Variants in F2 observed in about 807,000 individuals in gnomAD.
F2 encodes coagulation factor II, thrombin.
A neutral mutation model predicts 81.9 loss-of-function variants in F2; 34 were observed. The ratio of observed to expected loss-of-function variants is 0.42; its 90% CI spans 0.32 to 0.55. The LOEUF is 0.55. Ranked by LOEUF, F2 falls within the 20% of genes least tolerant of loss-of-function variation. F2 has a pLI of 0.18. For synonymous variants in F2, 296 were observed against 326.4 expected, an observed-to-expected ratio of 0.91 and a Z score of 1.01; for missense variants, 630 against 833.4, an observed-to-expected ratio of 0.76 and a Z score of 3.00.
chr11:46,720,607 T>C, intron 3 of F2, 60 bp downstream of exon 3: 2 of 1,602,822 alleles, frequency 1.2e-6, no homozygotes, highest in South Asian at 2.2e-5. Flanking sequence ...GTGAGAGAAT[T>C]CTACCCAGAG....
chr11:46,725,726 A>G, intron 6 of F2, 133 bp from the exon 7 acceptor site: 1 of 1,032,230 alleles, frequency 9.7e-7, no homozygotes. Context: ...GCAAACGGTC[A>G]GAAGCCCAGA....
intron 12 of F2, among the ~76,000 whole-genome samples, chr11:46,730,682 T>A (rs894983353): frequency 6.6e-6 from 1 of 151,780 alleles, no homozygotes; most frequent in Non-Finnish European, 1.5e-5. Flanking sequence ...AATAAAAAAA[T>A]TTAGTGTAAT....
rs756465166 is a variant in F2, at chr11:46,728,180, C to T, written c.1298+17C>T. 1.2e-6 allele frequency: 2 copies of T among 1,601,674 alleles called. No individual in the cohort carries two copies. Among genetic ancestry groups the T allele is most frequent in the South Asian group, 1.1e-5 (1 of 88,282 alleles). The stretch of plus-strand genomic sequence containing the variant: ...CCGCACCAGGTACAGAACTGGTGGC[C>T]CGTGGGTGTCTGGCAGGGGTCTGAG... On this transcript the variant is annotated intron_variant, in intron 10 of 13. Coordinates refer to ENST00000311907, the MANE Select transcript of F2 (RefSeq NM_000506.5). This position sits in a 1 kb window ranked among gnomAD's most constrained non-coding sequence, Gnocchi z 5.1.
In F2 at chr11:46,728,524, T is replaced by G. The variant is rs897497442; in HGVS notation, c.1299-140T>G. The G allele has an allele frequency of 8.3e-5, 79 of 948,590 alleles. No homozygotes were observed. Among genetic ancestry groups the G allele is most frequent in the Admixed American group, 1.3e-4 (6 of 47,466 alleles). The allele number at this position is 948,590 out of a possible 1,614,324, so 58.8% of individuals were successfully genotyped here. Reference sequence around the variant, plus strand: ...GCCCAGGAAGAAACACCCAGGGGGCTGCCATGGCAGGAACCAGCCCTATCC... The same window carrying G: ...GCCCAGGAAGAAACACCCAGGGGGCGGCCATGGCAGGAACCAGCCCTATCC... On this transcript the variant is annotated intron_variant, in intron 10 of 13. Transcript: ENST00000311907. The surrounding 1 kb of genome is among the most constrained non-coding windows in gnomAD (Gnocchi z 5.1).
chr11:46,728,275 A>C lies in F2; in HGVS notation c.1298+112A>C. The C allele has an allele frequency of 8.5e-7, 1 of 1,170,918 alleles. No individual in the cohort carries two copies. Among genetic ancestry groups the C allele is most frequent in the Non-Finnish European group, 1.2e-6 (1 of 807,548 alleles). 72.5% of individuals were successfully genotyped at this position (1,170,918 alleles called of 1,614,324 possible). On this transcript the variant is annotated intron_variant, in intron 10 of 13. Coordinates refer to ENST00000311907, the MANE Select transcript of F2 (RefSeq NM_000506.5). This position sits in a 1 kb window ranked among gnomAD's most constrained non-coding sequence, Gnocchi z 5.1. ...TAGGATGTTCTGTATACCCCCCAGA[A>C]TATAACATCCCAGCAGTCTCTGCTG...
rs541873389 is a variant in F2, at chr11:46,725,488, C to T, written c.560-371C>T. 6.6e-5 allele frequency among the ~76,000 whole-genome samples: 10 copies of T among 152,200 alleles called. No individual in the cohort carries two copies. In the South Asian group the frequency reaches 1.2e-3, roughly 19 times the overall value. On this transcript the variant is annotated intron_variant, in intron 6 of 13. Coordinates refer to ENST00000311907, the MANE Select transcript of F2 (RefSeq NM_000506.5). ...AAGTTGCAGGCTTGCAGAAATTGAC[C>T]CATCCAGGTGAACAGCCTAGTGATC...
chr11:46,730,682 T>C (rs894983353), intron 12 of F2, among the ~76,000 whole-genome samples: 1 of 151,780 alleles, frequency 6.6e-6, no homozygotes, highest in Non-Finnish European at 1.5e-5. Context: ...AATAAAAAAA[T>C]TTAGTGTAAT....
intron 6 of F2, among the ~76,000 whole-genome samples, chr11:46,725,193 C>G (rs2064864241): frequency 6.7e-6 from 1 of 150,112 alleles, no homozygotes; most frequent in Admixed American, 6.7e-5. Flanking sequence ...CTCAGCCTCT[C>G]ATATAGCTGG....
chr11:46,736,464 AATTTG>A (rs1477324819), intron 12 of F2, among the ~76,000 whole-genome samples: 1 of 151,778 alleles, frequency 6.6e-6, no homozygotes, highest in East Asian at 1.9e-4. Context: ...GCATCCAGCT[AATTTG>A]ATTTGATTTG....
Position 46,727,000 on chromosome 11 carries a change from T to A in F2, c.1130+163T>A, listed in dbSNP as rs1012300097. ...CAGCAGCCACATGAGATGGGTTGTTTACTTCTTTTTTTTTGTTTCTTAGAT... is the reference window on the plus strand; with the variant it reads ...CAGCAGCCACATGAGATGGGTTGTTAACTTCTTTTTTTTTGTTTCTTAGAT... On this transcript the variant is annotated intron_variant, in intron 9 of 13. Coordinates refer to ENST00000311907, the MANE Select transcript of F2 (RefSeq NM_000506.5). This position sits in a 1 kb window ranked among gnomAD's most constrained non-coding sequence, Gnocchi z 5.9. 6.6e-6 allele frequency among the ~76,000 whole-genome samples: 1 copy of A among 152,152 alleles called. No homozygotes were observed. Among genetic ancestry groups the A allele is most frequent in the African/African-American group, 2.4e-5 (1 of 41,436 alleles).
chr11:46,732,016 A>T (rs1239539683), intron 12 of F2, among the ~76,000 whole-genome samples: 2 of 149,546 alleles, frequency 1.3e-5, no homozygotes, highest in Non-Finnish European at 3.0e-5. Context: ...CCCAGGTTCA[A>T]GTGATTCTCC....
Position 46,719,767 on chromosome 11 carries a change from G to C in F2, c.145G>C (p.Glu49Gln), listed in dbSNP as rs754914460. 1.9e-6 allele frequency: 3 copies of C among 1,598,348 alleles called. No homozygotes were observed. Among genetic ancestry groups the C allele is most frequent in the Non-Finnish European group, 2.6e-6 (3 of 1,173,574 alleles). Residue 49 changes from glutamate to glutamine, a missense_variant, in exon 2 of 14, where the codon GAG becomes CAG. Coordinates refer to ENST00000311907, the MANE Select transcript of F2 (RefSeq NM_000506.5). This position sits in a 1 kb window ranked among gnomAD's most constrained non-coding sequence, Gnocchi z 4.7. ...QRVRRANTFL[E>Q]EVRKGNLERE... is the part of the protein sequence containing the mutation. ...GGTCCGGCGAGCCAACACCTTCTTG[G>C]AGGAGGTGCGCAAGGGCAACCTGGA...
chr11:46,728,938 C>A lies in F2; in HGVS notation c.1472+101C>A, dbSNP rs991639497. ...CAAGAGCCCCTTTCCCTTTTCCAGG[C>A]CTCGGTTTCTTGGAGTGAACCCAAA... On this transcript the variant is annotated intron_variant, in intron 11 of 13. Transcript: ENST00000311907. This position sits in a 1 kb window ranked among gnomAD's most constrained non-coding sequence, Gnocchi z 5.1. 12 of 1,334,600 alleles carry A rather than the reference C, an allele frequency of 9.0e-6. No individual in the cohort carries two copies. The Admixed American group carries it at 1.7e-4, about 19-fold the overall frequency. 82.7% of individuals were successfully genotyped at this position (1,334,600 alleles called of 1,614,324 possible). A position where few individuals can be genotyped will look rare whatever the true frequency, so the allele number is the denominator to read the frequency against.
rs112698481 is a variant in F2 at position 46,721,186 on chromosome 11, G to A, written c.316+346G>A. ...AACCTCCCAAGTAGCTGGGATTACA[G>A]GTGCTCGCCACCACGCCTGGCTAAT... On this transcript the variant is annotated intron_variant, in intron 4 of 13. Transcript: ENST00000311907. Among the ~76,000 whole-genome samples, 968 of 152,210 alleles carry A rather than the reference G, an allele frequency of 6.4e-3. 10 individuals carry two copies. The highest frequency in any genetic ancestry group is 0.025 in the South Asian group (118 of 4,816).
intron 4 of F2, among the ~76,000 whole-genome samples, chr11:46,722,310 G>A (rs991890409): frequency 1.3e-5 from 2 of 152,146 alleles, no homozygotes; most frequent in Admixed American, 6.6e-5. Context: ...AAATGATTGC[G>A]GCCGGGTGTG....
Position 46,726,210 on chromosome 11 carries a change from C to T in F2, c.874+37C>T. 6.2e-7 allele frequency: 1 copy of T among 1,608,436 alleles called. No homozygotes were observed. Among genetic ancestry groups the T allele is most frequent in the Non-Finnish European group, 8.5e-7 (1 of 1,178,614 alleles). On this transcript the variant is annotated intron_variant, in intron 7 of 13. Coordinates refer to ENST00000311907, the MANE Select transcript of F2 (RefSeq NM_000506.5). This position sits in a 1 kb window ranked among gnomAD's most constrained non-coding sequence, Gnocchi z 5.9. ...GGGTAGGGGGCCTGAGTTGCAGGGA[C>T]AAATCCTGGTGGGAATAACAACAGC...
rs763434581 is a variant in F2 at position 46,726,828 on chromosome 11, T to C, written c.1121T>C (p.Met374Thr). 2.5e-6 allele frequency: 4 copies of C among 1,614,110 alleles called. No homozygotes were observed. In the South Asian group the frequency reaches 4.4e-5, roughly 18 times the overall value. ...GAGGGCTCGGATGCAGAGATCGGCA[T>C]GTCACCTTGGTGTGTCCTGGAGCCC... ...IVEGSDAEIG[M>T]SPWQVMLFRK... The change falls in exon 9 of 14, where the codon ATG becomes ACG. Residue 374 changes from methionine (M) to threonine (T), a missense_variant. Transcript: ENST00000311907. This position sits in a 1 kb window ranked among gnomAD's most constrained non-coding sequence, Gnocchi z 5.9.
At chr11:46,736,517 C>T (rs1220052340) in intron 12 of F2, among the ~76,000 whole-genome samples, 2 of 152,142 alleles carry the variant, frequency 1.3e-5, no homozygotes, top group African/African-American at 2.4e-5. Context: ...AGGCTGGTCT[C>T]GAACTCCTGG....
intron 12 of F2, among the ~76,000 whole-genome samples, chr11:46,734,558 T>C (rs1397963879): frequency 6.6e-6 from 1 of 152,178 alleles, no homozygotes; most frequent in Non-Finnish European, 1.5e-5. Context: ...ACACCTGTAA[T>C]CCCAGCACTC....
Sources: allele counts gnomAD v4.1 joint callset (sites outside exome capture counted in the v4.1 genomes callset), GRCh38; gene constraint gnomAD v4.1.1; non-coding constraint Gnocchi (gnomAD v3.1); transcripts MANE v1.5; gene names NCBI Gene and HGNC (gene_info 2026-07-23, HGNC 2026-07-21).